Variants in ATG10 observed in about 807,000 individuals in gnomAD.
ATG10 encodes the protein ubiquitin-like-conjugating enzyme ATG10.
In ATG10, 30 loss-of-function variants were observed where a neutral mutation model predicts 32.1. The ratio of observed to expected loss-of-function variants is 0.94; its 90% CI spans 0.70 to 1.27. The LOEUF is 1.27. Ranked by LOEUF, ATG10 falls within the 50% of genes most tolerant of loss-of-function variation. The pLI is 0.00. For missense variants in ATG10, 233 were observed against 262.3 expected, an observed-to-expected ratio of 0.89 and a Z score of 0.77; for synonymous variants, 87 against 91.5, an observed-to-expected ratio of 0.95 and a Z score of 0.28.
intron 5 of ATG10, among the ~76,000 whole-genome samples, chr5:82,216,194 T>A (rs1489908306): frequency 6.6e-6 from 1 of 152,176 alleles, no homozygotes; most frequent in East Asian, 1.9e-4. Flanking sequence ...ATTCTGTAGA[T>A]CCTAGATATG....
In ATG10 at chr5:82,154,264, G is replaced by A. The variant is rs149736908; in HGVS notation, c.217-10135G>A. Among the ~76,000 whole-genome samples, 1,282 of 152,270 alleles carry A rather than the reference G, an allele frequency of 8.4e-3. 19 individuals are homozygous for A. Among genetic ancestry groups the A allele is most frequent in the African/African-American group, 0.029 (1,221 of 41,544 alleles). On this transcript the variant is annotated intron_variant, in intron 3 of 7. Coordinates refer to ENST00000282185, the MANE Select transcript of ATG10 (RefSeq NM_031482.5). ...TTATCTAGGCTGTTTTCATGCTGCA[G>A]TGGCAAAGTTGAGTGGTTTTGACAG...
intron 2 of ATG10, among the ~76,000 whole-genome samples, chr5:82,028,583 C>G (rs1762657531): frequency 6.6e-6 from 1 of 152,162 alleles, no homozygotes. Context: ...TCTGATGTGT[C>G]TAAATGGAGA....
At chr5:82,149,893 G>A (rs1581744535) in intron 3 of ATG10, among the ~76,000 whole-genome samples, 2 of 152,176 alleles carry the variant, frequency 1.3e-5, no homozygotes, top group South Asian at 2.1e-4. Flanking sequence ...GTCATGTTGG[G>A]TATAAGGCTG....
chr5:82,017,037 C>T (rs760678350), intron 2 of ATG10, among the ~76,000 whole-genome samples: 2 of 152,082 alleles, frequency 1.3e-5, no homozygotes, highest in South Asian at 2.1e-4. Flanking sequence ...CCTCCAAGAG[C>T]GTGGGATGTG....
chr5:82,100,394 G>A (rs1479321987), intron 3 of ATG10, among the ~76,000 whole-genome samples: 3 of 151,948 alleles, frequency 2.0e-5, no homozygotes, highest in Admixed American at 6.6e-5. Flanking sequence ...CCCTGCATAC[G>A]TACCCATCTT....
chr5:82,052,982 A>G (rs1763477373), intron 2 of ATG10, among the ~76,000 whole-genome samples: 1 of 152,186 alleles, frequency 6.6e-6, no homozygotes. Context: ...GACTATATCC[A>G]TAAGGTAAAT....
At chr5:82,107,218 C>T (rs959704002) in intron 3 of ATG10, among the ~76,000 whole-genome samples, 5 of 151,978 alleles carry the variant, frequency 3.3e-5, no homozygotes, top group Admixed American at 6.6e-5. Context: ...TACATAAAGT[C>T]GGTGGTTTAG....
At chr5:82,231,534 T>C (rs1349580456) in intron 5 of ATG10, among the ~76,000 whole-genome samples, 1 of 152,180 alleles carries the variant, frequency 6.6e-6, no homozygotes, top group African/African-American at 2.4e-5. Context: ...ATTAGTAGCA[T>C]AGTTTTTTGT....
intron 5 of ATG10, among the ~76,000 whole-genome samples, chr5:82,184,495 C>T (rs1208669553): frequency 6.6e-6 from 1 of 152,066 alleles, no homozygotes; most frequent in African/African-American, 2.4e-5. Context: ...CCGATAATAT[C>T]TACCCCAGGG....
intron 3 of ATG10, among the ~76,000 whole-genome samples, chr5:82,108,369 C>T (rs866537034): frequency 6.6e-6 from 1 of 151,704 alleles, no homozygotes; most frequent in African/African-American, 2.4e-5. Context: ...GAACCCTAGA[C>T]ACCTATATAT....
chr5:82,184,860 C>T (rs967373511), intron 5 of ATG10, among the ~76,000 whole-genome samples: 3 of 152,194 alleles, frequency 2.0e-5, no homozygotes. Context: ...CTACACCTCA[C>T]TCTTTTCTGC....
At chr5:82,203,765 T>C (rs893298050) in intron 5 of ATG10, among the ~76,000 whole-genome samples, 13 of 152,140 alleles carry the variant, frequency 8.5e-5, no homozygotes, top group African/African-American at 3.1e-4. Context: ...GACATTCTGC[T>C]CCAATCTTAA....
At chr5:82,152,174 A>G (rs148341723) in intron 3 of ATG10, among the ~76,000 whole-genome samples, 38 of 152,366 alleles carry the variant, frequency 2.5e-4, no homozygotes, top group African/African-American at 8.4e-4. Flanking sequence ...ATAGATTTAC[A>G]TATTTGGAAC....
At chr5:82,068,696 A>C (rs956064314) in intron 3 of ATG10, among the ~76,000 whole-genome samples, 1 of 146,494 alleles carries the variant, frequency 6.8e-6, no homozygotes, top group Admixed American at 6.9e-5. Context: ...ATATATATAT[A>C]TCTTATATAT....
At chr5:82,082,759 A>G (rs1369625771) in intron 3 of ATG10, among the ~76,000 whole-genome samples, 1 of 152,154 alleles carries the variant, frequency 6.6e-6, no homozygotes, top group African/African-American at 2.4e-5. Flanking sequence ...CTGGTGTTTT[A>G]GTAAATAGAG....
chr5:82,107,676 G>A (rs561243038), intron 3 of ATG10, among the ~76,000 whole-genome samples: 46 of 152,134 alleles, frequency 3.0e-4, no homozygotes, highest in African/African-American at 9.9e-4. Context: ...TAAACATTCA[G>A]TAAATGCTTA....
chr5:82,139,906 C>A (rs1353894139), intron 3 of ATG10, among the ~76,000 whole-genome samples: 1 of 136,174 alleles, frequency 7.3e-6, no homozygotes, highest in Non-Finnish European at 1.6e-5. Flanking sequence ...GTCAGCCCCC[C>A]GCCTGGCCAG....
chr5:82,062,167 T>C (rs1463965027), intron 3 of ATG10, among the ~76,000 whole-genome samples: 1 of 152,090 alleles, frequency 6.6e-6, no homozygotes, highest in Non-Finnish European at 1.5e-5. Flanking sequence ...TAGAATAACA[T>C]ATTTTTTTTC....
At chr5:82,070,260 C>T (rs557494926) in intron 3 of ATG10, among the ~76,000 whole-genome samples, 2 of 150,602 alleles carry the variant, frequency 1.3e-5, no homozygotes, top group African/African-American at 2.4e-5. Context: ...GACTAAATCT[C>T]GTCTCTATGC....
Sources: allele counts gnomAD v4.1 joint callset (sites outside exome capture counted in the v4.1 genomes callset), GRCh38; gene constraint gnomAD v4.1.1; transcripts MANE v1.5; gene names NCBI Gene and HGNC (gene_info 2026-07-23, HGNC 2026-07-21).